PPP1R12B: variants seen among roughly 807,000 people sequenced by gnomAD.
PPP1R12B encodes myosin phosphatase target subunit 2.
PPP1R12B carries 76 observed loss-of-function variants against 126.1 expected under a neutral mutation model. The observed-to-expected ratio is 0.60, with a 90% CI of 0.50 to 0.73. PPP1R12B has a LOEUF of 0.73. PPP1R12B is among the 30% of genes least tolerant of loss of function. PPP1R12B has a pLI of 0.00. For synonymous variants in PPP1R12B, 356 were observed against 434.7 expected (o/e 0.82, Z 2.25); for missense variants, 1,052 against 1,205.1 (o/e 0.87, Z 1.88).
intron 19 of PPP1R12B, among the ~76,000 whole-genome samples, chr1:202,560,195 G>A (rs1190705284): frequency 6.6e-6 from 1 of 152,136 alleles, no homozygotes; most frequent in East Asian, 1.9e-4. Flanking sequence ...AAAGTTAGCA[G>A]AAGAGAATAT....
At chr1:202,544,433 T>C (rs1391844129) in intron 18 of PPP1R12B, among the ~76,000 whole-genome samples, 1 of 152,214 alleles carries the variant, frequency 6.6e-6, no homozygotes, top group African/African-American at 2.4e-5. Context: ...CAAATTTTTC[T>C]TATTTGCTAA....
intron 18 of PPP1R12B, among the ~76,000 whole-genome samples, chr1:202,545,362 T>A (rs1354969656): frequency 1.3e-5 from 2 of 152,224 alleles, no homozygotes; most frequent in Non-Finnish European, 2.9e-5. Context: ...AGTTAACTCA[T>A]GTCCTACGTA....
intron 18 of PPP1R12B, among the ~76,000 whole-genome samples, chr1:202,552,992 C>T (rs1195982389): frequency 6.6e-6 from 1 of 152,168 alleles, no homozygotes; most frequent in Non-Finnish European, 1.5e-5. Context: ...CTACACATTT[C>T]ACAAATCAAA....
intron 18 of PPP1R12B, among the ~76,000 whole-genome samples, chr1:202,510,819 TA>T (rs1254868944): frequency 2.3e-4 from 34 of 149,454 alleles, no homozygotes; most frequent in African/African-American, 8.3e-4. Context: ...TTTTGATATG[TA>T]TTATAGATAT....
At chr1:202,492,703 C>CT (rs1259318221) in intron 14 of PPP1R12B, among the ~76,000 whole-genome samples, 1 of 151,948 alleles carries the variant, frequency 6.6e-6, no homozygotes, top group Non-Finnish European at 1.5e-5. Flanking sequence ...CCAGGTTTTT[C>CT]TTTTTTTAAG....
chr1:202,391,463 G>C (rs1664151692), intron 1 of PPP1R12B, among the ~76,000 whole-genome samples: 1 of 152,126 alleles, frequency 6.6e-6, no homozygotes, highest in Non-Finnish European at 1.5e-5. Flanking sequence ...CTGAAAAACA[G>C]TCTGGCAGTT....
At chr1:202,504,389 T>TC (rs1032185237) in intron 18 of PPP1R12B, among the ~76,000 whole-genome samples, 7 of 151,198 alleles carry the variant, frequency 4.6e-5, no homozygotes, top group African/African-American at 1.5e-4. Context: ...CGAGACCCTG[T>TC]CCCCCCCAAA....
At chr1:202,384,558 T>C (rs1266908494) in intron 1 of PPP1R12B, among the ~76,000 whole-genome samples, 1 of 151,810 alleles carries the variant, frequency 6.6e-6, no homozygotes, top group African/African-American at 2.4e-5. Context: ...GGGGAAGGGG[T>C]GAGTGGAAAG....
At chr1:202,349,562 TTA>T (rs1310322953) in intron 1 of PPP1R12B, among the ~76,000 whole-genome samples, 6 of 152,190 alleles carry the variant, frequency 3.9e-5, no homozygotes, top group Admixed American at 3.3e-4. Flanking sequence ...ATAGAATATC[TTA>T]TATCACTTAA....
intron 1 of PPP1R12B, among the ~76,000 whole-genome samples, chr1:202,387,449 A>G (rs1304801086): frequency 2.6e-5 from 4 of 152,310 alleles, no homozygotes; most frequent in South Asian, 2.1e-4. Context: ...CTCTGTTGGT[A>G]TACTGCTATT....
intron 22 of PPP1R12B, 89 bp downstream of exon 22, chr1:202,567,920 T>C: frequency 6.7e-7 from 1 of 1,488,588 alleles, no homozygotes. Flanking sequence ...ATGGAAAAAG[T>C]CCATCTTAAG....
chr1:202,418,885 T>C (rs557436530), intron 2 of PPP1R12B, among the ~76,000 whole-genome samples: 135 of 152,308 alleles, frequency 8.9e-4, no homozygotes, highest in African/African-American at 2.9e-3. Flanking sequence ...ATGTTGTAAA[T>C]AAGATCAGTC....
chr1:202,409,004 A>AT (rs1449818298), intron 1 of PPP1R12B, among the ~76,000 whole-genome samples: 13 of 151,306 alleles, frequency 8.6e-5, no homozygotes, highest in African/African-American at 2.7e-4. Context: ...CACCCAGCTA[A>AT]TTTTTTGTAT....
At chr1:202,519,351 G>A (rs775735593) in intron 18 of PPP1R12B, among the ~76,000 whole-genome samples, 3 of 151,802 alleles carry the variant, frequency 2.0e-5, no homozygotes, top group Admixed American at 6.6e-5. Context: ...TGCAGTCTCC[G>A]CCTCTAGAGT....
At chr1:202,396,697 A>G (rs1447506334) in intron 1 of PPP1R12B, among the ~76,000 whole-genome samples, 2 of 152,134 alleles carry the variant, frequency 1.3e-5, no homozygotes, top group Non-Finnish European at 2.9e-5. Context: ...ACTGCAAGCA[A>G]TGCCTTTGGG....
chr1:202,372,777 T>C (rs1339857895), intron 1 of PPP1R12B, among the ~76,000 whole-genome samples: 1 of 149,596 alleles, frequency 6.7e-6, no homozygotes, highest in African/African-American at 2.5e-5. Context: ...TGTCTCAAAA[T>C]AAAAAAAAAT....
At chr1:202,398,678 G>A (rs1256446668) in intron 1 of PPP1R12B, among the ~76,000 whole-genome samples, 1 of 152,154 alleles carries the variant, frequency 6.6e-6, no homozygotes, top group Non-Finnish European at 1.5e-5. Context: ...ATCATAGCTT[G>A]CCTGGCAGAA....
chr1:202,450,562 A>C (rs995676718), intron 13 of PPP1R12B, among the ~76,000 whole-genome samples: 1 of 152,224 alleles, frequency 6.6e-6, no homozygotes, highest in African/African-American at 2.4e-5. Context: ...GTTTGACTTC[A>C]TATTATTTTG....
intron 21 of PPP1R12B, 125 bp from the exon 22 acceptor site, chr1:202,567,653 A>G: frequency 5.3e-6 from 5 of 945,156 alleles, no homozygotes; most frequent in Admixed American, 2.3e-5. Context: ...GATCCCTGCT[A>G]TAGGGGAAGT....
Sources: gnomAD v4.1 joint callset for allele counts (sites outside exome capture counted in the v4.1 genomes callset) on GRCh38, gnomAD v4.1.1 for gene constraint, MANE v1.5 for transcripts, NCBI Gene and HGNC (gene_info 2026-07-23, HGNC 2026-07-21) for gene names.